Variants in ADAMTS1 observed in about 807,000 individuals in gnomAD.
ADAMTS1 encodes A disintegrin and metalloproteinase with thrombospondin motifs 1.
Under a neutral mutation model 87.9 loss-of-function variants are expected in ADAMTS1, and 19 were observed. The observed-to-expected ratio is 0.22, with a 90% CI of 0.15 to 0.32. The LOEUF is 0.32. ADAMTS1 is among the 10% of genes least tolerant of loss of function. The probability of loss-of-function intolerance (pLI) is 1.00; values close to 1 mark genes in which losing one functional copy is unlikely to be tolerated. For missense variants in ADAMTS1, 1,240 were observed against 1,259.1 expected (o/e 0.98, Z 0.23); for synonymous variants, 542 against 501.8 (o/e 1.08, Z -1.07).
intron 1 of ADAMTS1, among the ~76,000 whole-genome samples, chr21:26,843,994 T>C (rs1026458655): frequency 7.9e-5 from 12 of 152,156 alleles, no homozygotes; most frequent in African/African-American, 2.9e-4. Flanking sequence ...TTGCAGAAAA[T>C]CGTTTGTCAG....
In ADAMTS1 at chr21:26,837,933, A is replaced by G; in HGVS notation, c.2550T>C (p.Asn850=). The change falls in exon 9 of 9, where the codon AAT becomes AAC. Residue 850 remains asparagine, a synonymous_variant. Transcript: ENST00000284984. ...CCCATGCTGAAAAAGTGGGGATAGC[A>G]TTGAAAGATTCCTTCTTCTTCTTTA... ...YFVKKKKESF[N]AIPTFSAWVI... 1 of 1,614,248 alleles carries G rather than the reference A, an allele frequency of 6.2e-7. No homozygotes were observed. The highest frequency in any genetic ancestry group is 8.5e-7 in the Non-Finnish European group (1 of 1,180,048).
rs923841653 is a variant in ADAMTS1 at position 26,837,643 on chromosome 21, C to T, written c.2840G>A (p.Ser947Asn). 1.2e-6 allele frequency: 2 copies of T among 1,614,230 alleles called. No individual in the cohort carries two copies. The highest frequency in any genetic ancestry group is 1.7e-6 in the Non-Finnish European group (2 of 1,180,050). The change falls in exon 9 of 9, where the codon AGC (serine) becomes AAC (asparagine). Residue 947 changes from serine (S) to asparagine (N), a missense_variant. Coordinates refer to ENST00000284984, the MANE Select transcript of ADAMTS1 (RefSeq NM_006988.5). ...SHDGGVLSHE[S>N]CDPLKKPKHF... The stretch of plus-strand genomic sequence containing the variant: ...TTTAGGTTTCTTTAAAGGATCACAG[C>T]TCTCATGAGATAACACCCCTCCATC...
chr21:26,843,028 G>A (rs140995353), intron 1 of ADAMTS1: 22 of 295,200 alleles, frequency 7.5e-5, no homozygotes, highest in African/African-American at 4.4e-4. Flanking sequence ...GCGGCAGGCA[G>A]AGGCCCTGAG....
In ADAMTS1 at chr21:26,838,128, C is replaced by A. The variant is rs761438556; in HGVS notation, c.2355G>T (p.Leu785Phe). The change falls in exon 9 of 9, where the codon TTG (leucine) becomes TTT (phenylalanine). Residue 785 changes from leucine to phenylalanine, a missense_variant. Leu to Phe is a conservative substitution (Grantham distance 22). Transcript: ENST00000284984. ...ACATAATGTCTTGCTCTAAGGTGGA[C>A]AAAGTGTAGTCACCATTAAGAATAT... ...GTYILNGDYT[L>F]STLEQDIMYK... 1 of 1,614,052 alleles carries A rather than the reference C, an allele frequency of 6.2e-7. No homozygotes were observed. The highest frequency in any genetic ancestry group is 2.2e-5 in the East Asian group (1 of 44,858).
rs1333720646 is a variant in ADAMTS1, at chr21:26,844,892, C to T, written c.63G>A (p.Ala21=). The change falls in exon 1 of 9, where the codon GCG becomes GCA. Residue 21 remains alanine, a synonymous_variant. Coordinates refer to ENST00000284984, the MANE Select transcript of ADAMTS1 (RefSeq NM_006988.5). ...AGCTCCGAGACCCCGGAGCCCGCTC[C>T]GCGTTCCCCATGTCGCTGCCCAGCT... The part of the protein sequence containing the change: ...RRKLGSDMGN[A]ERAPGSRSFG... 2.0e-6 allele frequency: 3 copies of T among 1,532,408 alleles called. No individual in the cohort carries two copies. The highest frequency in any genetic ancestry group is 2.6e-6 in the Non-Finnish European group (3 of 1,140,920). 94.9% of individuals were successfully genotyped at this position (1,532,408 alleles called of 1,614,324 possible).
chr21:26,840,210 G>A, intron 5 of ADAMTS1, 66 bp downstream of exon 5: 1 of 1,573,064 alleles, frequency 6.4e-7, no homozygotes, highest in Middle Eastern at 1.7e-4. Flanking sequence ...GTTTAACTTG[G>A]TATCATATCT....
rs1293429943 is a variant in ADAMTS1 at position 26,842,525 on chromosome 21, G to A, written c.891C>T (p.Ser297=). 3 of 1,614,072 alleles carry A rather than the reference G, an allele frequency of 1.9e-6. No homozygotes were observed. Among genetic ancestry groups the A allele is most frequent in the African/African-American group, 1.3e-5 (1 of 74,914 alleles). ...CCACCAGGCTAACTGAATTACGAAT[G>A]CTGGGGTGTTTGTACAATCTGGCTG... ...SVAARLYKHP[S]IRNSVSLVVV... The change falls in exon 2 of 9, where the codon AGC becomes AGT. Residue 297 remains serine (S), a synonymous_variant. Coordinates refer to ENST00000284984, the MANE Select transcript of ADAMTS1 (RefSeq NM_006988.5).
At position 26,838,598 on chromosome 21, in the gene ADAMTS1, G is replaced by A. The variant is rs1266446051; in HGVS notation, c.2045C>T (p.Pro682Leu). Residue 682 changes from proline to leucine, a missense_variant, in exon 8 of 9, where the codon CCA (proline) becomes CTA (leucine). Around this residue, in one of 3 missense-constraint regions of ADAMTS1, gnomAD observed 402 missense variants for 399.1 expected, o/e 1.01. Coordinates refer to ENST00000284984, the MANE Select transcript of ADAMTS1 (RefSeq NM_006988.5). ...GACAGAGGTGGAATCTGGGCTACAT[G>A]GAGTACCATCTACAACCTGAAAAAA... ...VLQPKVVDGT[P>L]CSPDSTSVCV... 4 of 1,613,964 alleles carry A rather than the reference G, an allele frequency of 2.5e-6. No homozygotes were observed. The East Asian group carries it at 8.9e-5, about 36-fold the overall frequency.
At chr21:26,843,552 G>C (rs1273243106) in intron 1 of ADAMTS1, 1 of 469,846 alleles carries the variant, frequency 2.1e-6, no homozygotes, top group Non-Finnish European at 4.4e-6. Flanking sequence ...ACTTTCAACA[G>C]TGCTTGAGAG....
Position 26,837,491 on chromosome 21 carries a change from A to G in ADAMTS1, c.*88T>C. 8.6e-7 allele frequency: 1 copy of G among 1,158,924 alleles called. No individual in the cohort carries two copies. The highest frequency in any genetic ancestry group is 2.0e-5 in the Admixed American group (1 of 51,184). 71.8% of individuals were successfully genotyped at this position (1,158,924 alleles called of 1,614,324 possible). A position where few individuals can be genotyped will look rare whatever the true frequency, so the allele number is the denominator to read the frequency against. On this transcript the variant is annotated 3_prime_UTR_variant, in exon 9 of 9. Transcript: ENST00000284984. ...ACACCTCACTGGTTACTGGCAAGAT[A>G]CGCTGGATCCCTCCAGCCTTCTTGC...
At position 26,842,005 on chromosome 21, in the gene ADAMTS1, G is replaced by C. The variant is rs768776063; in HGVS notation, c.1078-15C>G. On this transcript the variant is annotated splice_polypyrimidine_tract_variant and intron_variant, in intron 2 of 8. Transcript: ENST00000284984. ...CCACACAAGTCCTACAAAAAGCAAA[G>C]GTAAATACTTATTAATAAGGGGAGC... 1 of 1,610,804 alleles carries C rather than the reference G, an allele frequency of 6.2e-7. No individual in the cohort carries two copies.
chr21:26,839,537 G>T, intron 7 of ADAMTS1, 50 bp downstream of exon 7: 1 of 1,439,002 alleles, frequency 6.9e-7, no homozygotes, highest in African/African-American at 1.4e-5. Flanking sequence ...TGAAAAGGTA[G>T]CAAGCCCAGG....
At chr21:26,842,089 T>C in intron 2 of ADAMTS1, 99 bp from the exon 3 acceptor site, 7 of 1,337,692 alleles carry the variant, frequency 5.2e-6, no homozygotes, top group Non-Finnish European at 6.1e-6. Context: ...CTTTGGAGCA[T>C]CTACATTCAT....
At position 26,844,544 on chromosome 21, in the gene ADAMTS1, G is replaced by A. The variant is rs928811879; in HGVS notation, c.411C>T (p.Ala137=). Residue 137 remains alanine, a synonymous_variant, in exon 1 of 9, where the codon GCC becomes GCT. Coordinates refer to ENST00000284984, the MANE Select transcript of ADAMTS1 (RefSeq NM_006988.5). The part of the protein sequence containing the change: ...GTVNGDPSSA[A]ALSLCEGVRG... ...GCACGCCCTCGCAGAGGCTGAGGGCGGCAGCCGAGCTGGGATCGCCATTCA... is the reference window on the plus strand; with the variant it reads ...GCACGCCCTCGCAGAGGCTGAGGGCAGCAGCCGAGCTGGGATCGCCATTCA... 4.4e-6 allele frequency: 7 copies of A among 1,606,474 alleles called. No homozygotes were observed. Among genetic ancestry groups the A allele is most frequent in the Admixed American group, 1.7e-5 (1 of 59,194 alleles).
chr21:26,845,005 T>C lies in ADAMTS1; in HGVS notation c.-51A>G, dbSNP rs1202802491. On this transcript the variant is annotated 5_prime_UTR_variant, in exon 1 of 9. Transcript: ENST00000284984. ...AGCAGCGCACGGAGCGAGGGACCTT[T>C]AGTTCGGGTCGGGAGAGCAAAGCCT... The C allele has an allele frequency of 1.4e-6, 2 of 1,476,880 alleles. No individual in the cohort carries two copies. Among genetic ancestry groups the C allele is most frequent in the East Asian group, 4.7e-5 (2 of 42,746 alleles). The allele number at this position is 1,476,880 out of a possible 1,614,324, so 91.5% of individuals were successfully genotyped here. A position where few individuals can be genotyped will look rare whatever the true frequency, so the allele number is the denominator to read the frequency against.
Position 26,844,277 on chromosome 21 carries a change from C to A in ADAMTS1, c.678G>T (p.Gly226=). The change falls in exon 1 of 9, where the codon GGG becomes GGT. Residue 226 remains glycine, a synonymous_variant. Coordinates refer to ENST00000284984, the MANE Select transcript of ADAMTS1 (RefSeq NM_006988.5). The part of the protein sequence containing the change: ...EDEGTEGEDE[G]AQWSPQDPAL... The stretch of plus-strand genomic sequence containing the variant: ...CCGGGTCCTGCGGCGACCACTGAGC[C>A]CCTTCGTCCTCGCCCTCAGTCCCTT... 3 of 1,601,476 alleles carry A rather than the reference C, an allele frequency of 1.9e-6. No homozygotes were observed. The highest frequency in any genetic ancestry group is 2.6e-6 in the Non-Finnish European group (3 of 1,174,468).
In ADAMTS1 at chr21:26,837,552, C is replaced by T. The variant is rs1985392308; in HGVS notation, c.*27G>A. ...CCAGCCCTTCCTCACTTTGCCTTGC[C>T]CTCAAAGCTAACACCACTTAAACCA... On this transcript the variant is annotated 3_prime_UTR_variant, in exon 9 of 9. Transcript: ENST00000284984. 1 of 1,603,408 alleles carries T rather than the reference C, an allele frequency of 6.2e-7. No homozygotes were observed. Among genetic ancestry groups the T allele is most frequent in the Admixed American group, 1.7e-5 (1 of 59,692 alleles).
Position 26,838,417 on chromosome 21 carries a change from A to AAAT in ADAMTS1, c.2204+19_2204+21dup, listed in dbSNP as rs1985422040. 4 of 1,613,762 alleles carry AAAT rather than the reference A, an allele frequency of 2.5e-6. No individual in the cohort carries two copies. The African/African-American group carries it at 4.0e-5, about 16-fold the overall frequency. On this transcript the variant is annotated intron_variant, in intron 8 of 8. Transcript: ENST00000284984. ...GGCCCATTTAAATTATAAGGTCTGC[A>AAAT]AATAGGTGTTTTAAAACTTACTTTG... is the stretch of plus-strand genomic sequence containing the variant.
chr21:26,844,569 A>G lies in ADAMTS1; in HGVS notation c.386T>C (p.Val129Ala). The G allele has an allele frequency of 6.2e-7, 1 of 1,610,836 alleles. No homozygotes were observed. The highest frequency in any genetic ancestry group is 8.5e-7 in the Non-Finnish European group (1 of 1,178,852). Residue 129 changes from valine to alanine, a missense_variant, in exon 1 of 9, where the codon GTG becomes GCG. Coordinates refer to ENST00000284984, the MANE Select transcript of ADAMTS1 (RefSeq NM_006988.5). ...DLAHCFYSGT[V>A]NGDPSSAAAL... ...GGCAGCCGAGCTGGGATCGCCATTC[A>G]CGGTGCCGGAGTAGAAGCAGTGCGC...
Sources: allele counts gnomAD v4.1 joint callset (sites outside exome capture counted in the v4.1 genomes callset), GRCh38; gene constraint gnomAD v4.1.1; regional missense constraint gnomAD v4.1.1; transcripts MANE v1.5; gene names NCBI Gene and HGNC (gene_info 2026-07-23, HGNC 2026-07-21).